The following TOM1L2 variants were observed in gnomAD, a reference collection of about 807,000 sequenced individuals.
TOM1L2 encodes the protein target of myb1 like 2 membrane trafficking protein.
Under a neutral mutation model 67.9 loss-of-function variants are expected in TOM1L2, and 31 were observed. The ratio of observed to expected loss-of-function variants is 0.46; its 90% CI spans 0.34 to 0.62. The LOEUF is 0.62. Among genes scored for constraint, TOM1L2 ranks in the 20% least tolerant of loss-of-function variants. The probability of loss-of-function intolerance (pLI) is 0.01; values close to 1 mark genes in which losing one functional copy is unlikely to be tolerated. For missense variants in TOM1L2, 606 were observed against 663.5 expected (o/e 0.91, Z 0.95); for synonymous variants, 256 against 254.0 (o/e 1.01, Z -0.07).
At chr17:17,970,709 T>A (rs2042034993) in intron 1 of TOM1L2, among the ~76,000 whole-genome samples, 1 of 152,180 alleles carries the variant, frequency 6.6e-6, no homozygotes, top group Admixed American at 6.5e-5. Context: ...GAAAGGCTCC[T>A]AAATGCTAAT....
rs1175686799 is a variant in TOM1L2 at position 17,882,043 on chromosome 17, A to G, written c.660+662T>C. 4.6e-5 allele frequency among the ~76,000 whole-genome samples: 7 copies of G among 152,174 alleles called. No individual in the cohort carries two copies. In the East Asian group the frequency reaches 5.8e-4, roughly 13 times the overall value. On this transcript the variant is annotated intron_variant, in intron 6 of 14. Transcript: ENST00000379504. Reference sequence around the variant, plus strand: ...GGATTCTTCTAAAGAGCACTCCCCAATTCATCTAAAAAATCCAGTGTGGGG... The same window carrying G: ...GGATTCTTCTAAAGAGCACTCCCCAGTTCATCTAAAAAATCCAGTGTGGGG...
At chr17:17,874,982 C>G (rs933399178) in intron 7 of TOM1L2, among the ~76,000 whole-genome samples, 1 of 152,170 alleles carries the variant, frequency 6.6e-6, no homozygotes, top group Admixed American at 6.5e-5. Context: ...AAAGGCCATG[C>G]GTGGTGGCTC....
intron 1 of TOM1L2, among the ~76,000 whole-genome samples, chr17:17,937,202 T>C (rs2040546007): frequency 6.6e-6 from 1 of 152,240 alleles, no homozygotes; most frequent in South Asian, 2.1e-4. Context: ...CTATTCAACA[T>C]GAACCCTTCC....
chr17:17,880,284 A>C (rs1443805391), intron 6 of TOM1L2, among the ~76,000 whole-genome samples: 2 of 152,194 alleles, frequency 1.3e-5, no homozygotes, highest in African/African-American at 4.8e-5. Flanking sequence ...CAAGAATGAG[A>C]GAACAGGGGA....
At chr17:17,936,324 T>C (rs563390919) in intron 1 of TOM1L2, among the ~76,000 whole-genome samples, 40 of 152,310 alleles carry the variant, frequency 2.6e-4, no homozygotes, top group Non-Finnish European at 5.0e-4. Flanking sequence ...TTCCAGGAAG[T>C]TTTCCCCAAC....
chr17:17,952,443 T>A (rs529681556), intron 1 of TOM1L2, among the ~76,000 whole-genome samples: 1 of 134,018 alleles, frequency 7.5e-6, no homozygotes, highest in East Asian at 2.3e-4. Context: ...CAGGCTGGAG[T>A]GCAGTGGTGT....
chr17:17,918,917 A>G (rs1421242597), intron 1 of TOM1L2, among the ~76,000 whole-genome samples: 1 of 152,180 alleles, frequency 6.6e-6, no homozygotes, highest in Non-Finnish European at 1.5e-5. Flanking sequence ...AGGGCCCTTT[A>G]TAAGTAAAAT....
chr17:17,951,425 C>T (rs1184360062), intron 1 of TOM1L2, among the ~76,000 whole-genome samples: 1 of 152,160 alleles, frequency 6.6e-6, no homozygotes, highest in African/African-American at 2.4e-5. Context: ...CTTGGGTAGA[C>T]ACTGTAGATT....
intron 7 of TOM1L2, among the ~76,000 whole-genome samples, chr17:17,875,728 G>A (rs928509547): frequency 6.6e-6 from 1 of 152,150 alleles, no homozygotes; most frequent in African/African-American, 2.4e-5. Flanking sequence ...TCTACCTCAC[G>A]CAACAGTCTT....
At chr17:17,933,188 C>A (rs751336157) in intron 1 of TOM1L2, among the ~76,000 whole-genome samples, 1 of 152,172 alleles carries the variant, frequency 6.6e-6, no homozygotes, top group Non-Finnish European at 1.5e-5. Flanking sequence ...AGGCTTCCCT[C>A]CTTTCCATCC....
At chr17:17,850,191 A>C (rs1249633365) in intron 13 of TOM1L2, among the ~76,000 whole-genome samples, 1 of 152,202 alleles carries the variant, frequency 6.6e-6, no homozygotes, top group African/African-American at 2.4e-5. Context: ...CCCAGAGTGC[A>C]CTTCTTCATC....
At chr17:17,889,295 G>A (rs1293159116) in intron 4 of TOM1L2, among the ~76,000 whole-genome samples, 1 of 152,216 alleles carries the variant, frequency 6.6e-6, no homozygotes, top group Non-Finnish European at 1.5e-5. Flanking sequence ...TGGCCAGGGT[G>A]CTACTGATGG....
chr17:17,962,212 C>T (rs1302247013), intron 1 of TOM1L2, among the ~76,000 whole-genome samples: 9 of 140,244 alleles, frequency 6.4e-5, no homozygotes. Flanking sequence ...TTCATAGTGA[C>T]AAAGTAAAAT....
intron 1 of TOM1L2, among the ~76,000 whole-genome samples, chr17:17,950,572 T>C (rs550755635): frequency 3.2e-4 from 48 of 152,298 alleles, no homozygotes; most frequent in South Asian, 2.7e-3. Flanking sequence ...ATACTTTGTA[T>C]GCTCCCATTC....
At chr17:17,925,682 CAAAAAA>C (rs1193121320) in intron 1 of TOM1L2, among the ~76,000 whole-genome samples, 3 of 79,736 alleles carry the variant, frequency 3.8e-5, no homozygotes, top group South Asian at 3.9e-4. Flanking sequence ...TCGTGTCTAC[CAAAAAA>C]AAAAAAAAAA....
At chr17:17,851,262 C>T (rs986982400) in intron 12 of TOM1L2, 7 of 399,548 alleles carry the variant, frequency 1.8e-5, no homozygotes, top group East Asian at 1.6e-4. Context: ...TCTCACATTG[C>T]GGGGCCTCTC....
intron 10 of TOM1L2, 109 bp downstream of exon 10, chr17:17,866,187 T>C: frequency 7.5e-7 from 1 of 1,336,982 alleles, no homozygotes; most frequent in Non-Finnish European, 1.0e-6. Flanking sequence ...TTCACATGTA[T>C]TTCCCAAAAG....
In TOM1L2 at chr17:17,866,931, G is replaced by C; in HGVS notation, c.912-7C>G. 1 of 1,613,980 alleles carries C rather than the reference G, an allele frequency of 6.2e-7. No individual in the cohort carries two copies. Among genetic ancestry groups the C allele is most frequent in the Non-Finnish European group, 8.5e-7 (1 of 1,179,910 alleles). On this transcript the variant is annotated splice_polypyrimidine_tract_variant and splice_region_variant and intron_variant, in intron 8 of 14. Coordinates refer to ENST00000379504, the MANE Select transcript of TOM1L2 (RefSeq NM_001082968.2). ...AGACCTGTATCGTTCGAACCTAACA[G>C]GGGAAGGGAAAGCAGAAGTAAGGAG... is the stretch of plus-strand genomic sequence containing the variant.
At chr17:17,888,269 T>C (rs1185185501) in intron 4 of TOM1L2, among the ~76,000 whole-genome samples, 3 of 152,118 alleles carry the variant, frequency 2.0e-5, no homozygotes, top group African/African-American at 7.2e-5. Context: ...GAAGGTCTAA[T>C]GAGGAGAAAA....
Sources: gnomAD v4.1 joint callset for allele counts (sites outside exome capture counted in the v4.1 genomes callset) on GRCh38, gnomAD v4.1.1 for gene constraint, MANE v1.5 for transcripts, NCBI Gene and HGNC (gene_info 2026-07-23, HGNC 2026-07-21) for gene names.